The following TUBGCP3 variants were observed in gnomAD, a reference collection of about 807,000 sequenced individuals.
TUBGCP3 encodes the protein tubulin gamma complex component 3.
TUBGCP3 carries 50 observed loss-of-function variants against 123.1 expected under a neutral mutation model. The observed-to-expected ratio is 0.41, with a 90% CI of 0.32 to 0.51. TUBGCP3 has a LOEUF of 0.51. Ranked by LOEUF, TUBGCP3 falls within the 20% of genes least tolerant of loss-of-function variation. The pLI is 0.36. For synonymous variants in TUBGCP3, 405 were observed against 413.9 expected, an observed-to-expected ratio of 0.98 and a Z score of 0.26; for missense variants, 882 against 1,127.0, an observed-to-expected ratio of 0.78 and a Z score of 3.11.
At chr13:112,597,621 A>G in the TUBGCP3 span, among the ~76,000 whole-genome samples, 4 of 152,218 alleles carry the variant, frequency 2.6e-5, no homozygotes, top group East Asian at 7.7e-4. Flanking sequence ...TTTAGAGAAC[A>G]ACAACAAAAA....
intron 17 of TUBGCP3, among the ~76,000 whole-genome samples, chr13:112,505,473 G>C (rs112838864): frequency 1.3e-5 from 2 of 152,338 alleles, no homozygotes; most frequent in Admixed American, 1.3e-4. Flanking sequence ...GACTTGCTAC[G>C]CATGCAGTTG....
chr13:112,492,104 A>G (rs1407014364), intron 20 of TUBGCP3, among the ~76,000 whole-genome samples: 1 of 152,136 alleles, frequency 6.6e-6, no homozygotes, highest in Non-Finnish European at 1.5e-5. Flanking sequence ...AAAACATATC[A>G]TCTTCTTCTT....
chr13:112,572,890 G>T (rs1250671191), intron 1 of TUBGCP3, among the ~76,000 whole-genome samples: 1 of 152,182 alleles, frequency 6.6e-6, no homozygotes, highest in African/African-American at 2.4e-5. Flanking sequence ...CCAACGCAGG[G>T]TGCCAAAAAC....
rs1298876466 is a variant in TUBGCP3, at chr13:112,504,023, G to A, written c.2307+9C>T. ...TGGTTTCTTGTTTCTAAGCAGGTCG[G>A]AGTCTTACCCTGGAGTCACTGTCCA... On this transcript the variant is annotated intron_variant, in intron 19 of 21. Coordinates refer to ENST00000261965, the MANE Select transcript of TUBGCP3 (RefSeq NM_006322.6). 1.9e-6 allele frequency: 3 copies of A among 1,605,160 alleles called. No individual in the cohort carries two copies. In the African/African-American group the frequency reaches 4.0e-5, roughly 21 times the overall value.
chr13:112,585,306 C>T (rs894555886), intron 1 of TUBGCP3, among the ~76,000 whole-genome samples: 12 of 152,136 alleles, frequency 7.9e-5, no homozygotes, highest in Non-Finnish European at 1.3e-4. Flanking sequence ...CTCCTTTGCT[C>T]ACTAAGGTAT....
chr13:112,534,394 A>G (rs1216822986), intron 11 of TUBGCP3, among the ~76,000 whole-genome samples: 4 of 152,112 alleles, frequency 2.6e-5, no homozygotes, highest in African/African-American at 7.2e-5. Context: ...AAAGTACAAA[A>G]AATTAGCCGG....
chr13:112,563,346 GCT>G (rs1309668777), intron 3 of TUBGCP3, among the ~76,000 whole-genome samples: 4 of 152,252 alleles, frequency 2.6e-5, no homozygotes, highest in Middle Eastern at 3.4e-3. Context: ...TGATGGAATG[GCT>G]ACTAACCTGA....
At chr13:112,567,986 A>G (rs1881092877) in intron 2 of TUBGCP3, among the ~76,000 whole-genome samples, 1 of 151,612 alleles carries the variant, frequency 6.6e-6, no homozygotes, top group Non-Finnish European at 1.5e-5. Flanking sequence ...CCTAAGGCCA[A>G]ATGGACTTCT....
At chr13:112,560,692 C>T (rs1453581328) in intron 3 of TUBGCP3, among the ~76,000 whole-genome samples, 3 of 152,164 alleles carry the variant, frequency 2.0e-5, no homozygotes, top group African/African-American at 7.2e-5. Context: ...TTATATAAAA[C>T]ATTCTCTGGA....
intron 17 of TUBGCP3, among the ~76,000 whole-genome samples, chr13:112,514,743 G>A (rs1875936231): frequency 6.6e-6 from 1 of 152,192 alleles, no homozygotes; most frequent in Non-Finnish European, 1.5e-5. Context: ...TACTTAGTAA[G>A]TAAACAGTCA....
intron 13 of TUBGCP3, among the ~76,000 whole-genome samples, chr13:112,525,412 T>A (rs550416498): frequency 1.1e-4 from 17 of 152,326 alleles, no homozygotes; most frequent in African/African-American, 4.1e-4. Flanking sequence ...TACTGACTAC[T>A]GGTTATTTTA....
chr13:112,494,204 G>C (rs1880368261), intron 20 of TUBGCP3, among the ~76,000 whole-genome samples: 1 of 152,182 alleles, frequency 6.6e-6, no homozygotes, highest in Non-Finnish European at 1.5e-5. Context: ...AACGAGGCCT[G>C]GTGTGCCTGA....
chr13:112,554,012 C>T (rs572769587), intron 8 of TUBGCP3, 45 bp downstream of exon 8: 198 of 1,589,478 alleles, frequency 1.2e-4, no homozygotes, highest in Non-Finnish European at 1.6e-4. Context: ...GTAAGCGTTT[C>T]CCAAAGTGCG....
At chr13:112,546,507 T>G (rs539963157) in intron 10 of TUBGCP3, 2 of 152,534 alleles carry the variant, frequency 1.3e-5, no homozygotes, top group Admixed American at 6.5e-5. Context: ...AAGATTTTAT[T>G]AGACCACTGG....
At chr13:112,572,143 T>C (rs915098698) in intron 1 of TUBGCP3, among the ~76,000 whole-genome samples, 2 of 152,258 alleles carry the variant, frequency 1.3e-5, no homozygotes, top group Non-Finnish European at 2.9e-5. Flanking sequence ...ATAAGAGGCC[T>C]AGCTTCTCGC....
intron 19 of TUBGCP3, among the ~76,000 whole-genome samples, chr13:112,503,306 C>T (rs1881056816): frequency 6.6e-6 from 1 of 152,118 alleles, no homozygotes; most frequent in South Asian, 2.1e-4. Context: ...GAACATGGAC[C>T]CTAAGGGAAA....
intron 1 of TUBGCP3, among the ~76,000 whole-genome samples, chr13:112,582,565 C>T (rs1448449305): frequency 2.0e-5 from 3 of 152,242 alleles, no homozygotes; most frequent in South Asian, 2.1e-4. Flanking sequence ...GCACTGGACA[C>T]TGCTGCTGCA....
At chr13:112,494,707 T>C (rs1461452571) in intron 20 of TUBGCP3, among the ~76,000 whole-genome samples, 1 of 152,212 alleles carries the variant, frequency 6.6e-6, no homozygotes, top group African/African-American at 2.4e-5. Flanking sequence ...GGGTTCCCTT[T>C]TCTTCACATC....
chr13:112,571,790 C>T lies in TUBGCP3; in HGVS notation c.77-2531G>A, dbSNP rs12430422. On this transcript the variant is annotated intron_variant, in intron 1 of 21. Transcript: ENST00000261965. ...ATCTCAGCTAGTTCTGGATGACTTG[C>T]TGCAGCTTCTCCATTAGCAGGTGCT... Among the ~76,000 whole-genome samples the T allele has an allele frequency of 6.0e-3, 915 of 152,310 alleles. 26 individuals are homozygous for T. The highest frequency in any genetic ancestry group is 0.055 in the Admixed American group (838 of 15,306).
Sources: allele counts gnomAD v4.1 joint callset (sites outside exome capture counted in the v4.1 genomes callset), GRCh38; gene constraint gnomAD v4.1.1; transcripts MANE v1.5; gene names NCBI Gene and HGNC (gene_info 2026-07-23, HGNC 2026-07-21).